ZSWIM6: variants seen among roughly 807,000 people sequenced by gnomAD.
ZSWIM6 encodes the protein zinc finger SWIM domain-containing protein 6.
Under a neutral mutation model 113.2 loss-of-function variants are expected in ZSWIM6, and 9 were observed. The observed-to-expected ratio is 0.08, with a 90% CI of 0.05 to 0.14. The LOEUF is 0.14. ZSWIM6 is among the 10% of genes least tolerant of loss of function. ZSWIM6 has a pLI of 1.00. For missense variants in ZSWIM6, 1,162 were observed against 1,552.2 expected, an observed-to-expected ratio of 0.75 and a Z score of 4.22; for synonymous variants, 611 against 606.5, an observed-to-expected ratio of 1.01 and a Z score of -0.11.
At chr5:61,513,608 A>AT (rs546152335) in intron 4 of ZSWIM6, among the ~76,000 whole-genome samples, 1 of 151,874 alleles carries the variant, frequency 6.6e-6, no homozygotes, top group Non-Finnish European at 1.5e-5. Flanking sequence ...TATGGTTTTA[A>AT]TTTTTTTATT....
chr5:61,447,466 T>C (rs1746985690), intron 1 of ZSWIM6, among the ~76,000 whole-genome samples: 2 of 152,138 alleles, frequency 1.3e-5, no homozygotes, highest in South Asian at 4.1e-4. Context: ...CTTCAGAATT[T>C]CTTAGAGGAG....
intron 1 of ZSWIM6, among the ~76,000 whole-genome samples, chr5:61,364,676 G>A (rs181557927): frequency 3.3e-5 from 5 of 152,284 alleles, no homozygotes; most frequent in East Asian, 3.9e-4. Flanking sequence ...GGCAAATTCA[G>A]TGTCTGGTGT....
chr5:61,333,487 T>G (rs1017677953), intron 1 of ZSWIM6, among the ~76,000 whole-genome samples: 4 of 151,800 alleles, frequency 2.6e-5, no homozygotes, highest in Non-Finnish European at 5.9e-5. Context: ...GGGAATACAC[T>G]TAAAGCCGCT....
intron 4 of ZSWIM6, among the ~76,000 whole-genome samples, chr5:61,514,114 G>A (rs530981791): frequency 6.6e-6 from 1 of 152,152 alleles, no homozygotes; most frequent in South Asian, 2.1e-4. Flanking sequence ...TCTTCCATCA[G>A]CATTTTGTAG....
chr5:61,350,990 C>G (rs1744771711), intron 1 of ZSWIM6, among the ~76,000 whole-genome samples: 1 of 152,166 alleles, frequency 6.6e-6, no homozygotes, highest in African/African-American at 2.4e-5. Context: ...TTCAAAAACT[C>G]TGTAATCATA....
At chr5:61,398,515 T>C (rs773106787) in intron 1 of ZSWIM6, among the ~76,000 whole-genome samples, 2 of 152,152 alleles carry the variant, frequency 1.3e-5, no homozygotes, top group Non-Finnish European at 2.9e-5. Flanking sequence ...TGTTGTATAG[T>C]GTTTAAGATT....
chr5:61,390,665 G>T, intron 1 of ZSWIM6: 1 of 828,698 alleles, frequency 1.2e-6, no homozygotes, highest in Non-Finnish European at 2.1e-6. Context: ...ACTGTTCCTG[G>T]CATTAAGCTC....
intron 13 of ZSWIM6, 109 bp downstream of exon 13, chr5:61,542,074 G>C (rs926639948): frequency 5.3e-6 from 5 of 949,890 alleles, no homozygotes; most frequent in South Asian, 1.8e-5. Context: ...CTTCTCCAAG[G>C]CTCCTTCTAG....
chr5:61,392,781 T>C (rs1745750717), intron 1 of ZSWIM6, among the ~76,000 whole-genome samples: 1 of 151,580 alleles, frequency 6.6e-6, no homozygotes, highest in South Asian at 2.1e-4. Flanking sequence ...CCCTGCTAAT[T>C]TTGTATTTTT....
chr5:61,527,611 T>C (rs187591364), intron 7 of ZSWIM6, among the ~76,000 whole-genome samples: 2 of 152,312 alleles, frequency 1.3e-5, no homozygotes, highest in East Asian at 3.9e-4. Context: ...CATTGCTAGG[T>C]ACTTTGGAAA....
intron 1 of ZSWIM6, among the ~76,000 whole-genome samples, chr5:61,424,490 T>G (rs921556561): frequency 6.6e-6 from 1 of 152,096 alleles, no homozygotes; most frequent in African/African-American, 2.4e-5. Flanking sequence ...TGACAGATAA[T>G]CTCGGTTTTT....
rs756528372 is a variant in ZSWIM6, at chr5:61,535,456, G to T, written c.2246-28G>T. 3.2e-6 allele frequency: 5 copies of T among 1,548,558 alleles called. No homozygotes were observed. The East Asian group carries it at 1.2e-4, about 38-fold the overall frequency. ...AAGTGTTAGTTCATTTTTTAGGAACGTAAAATGTGTATGCTCTCTTCCCAC... is the reference window on the plus strand; with the variant it reads ...AAGTGTTAGTTCATTTTTTAGGAACTTAAAATGTGTATGCTCTCTTCCCAC... On this transcript the variant is annotated intron_variant, in intron 9 of 13. Transcript: ENST00000252744.
intron 1 of ZSWIM6, among the ~76,000 whole-genome samples, chr5:61,370,679 G>T (rs917520619): frequency 2.0e-5 from 3 of 152,172 alleles, no homozygotes; most frequent in African/African-American, 7.2e-5. Flanking sequence ...CTTTAATATA[G>T]ACTTCCAGAA....
chr5:61,420,560 A>G, intron 1 of ZSWIM6, among the ~76,000 whole-genome samples: 1 of 152,056 alleles, frequency 6.6e-6, no homozygotes, highest in Non-Finnish European at 1.5e-5. Flanking sequence ...TATACTGACT[A>G]AGTAGCAGTA....
In ZSWIM6 at chr5:61,336,099, C is replaced by T. The variant is rs142290034; in HGVS notation, c.676+3151C>T. Among the ~76,000 whole-genome samples, 4 of 152,078 alleles carry T rather than the reference C, an allele frequency of 2.6e-5. No homozygotes were observed. The East Asian group carries it at 7.8e-4, about 29-fold the overall frequency. ...GCAACATGGTTAAACCCTGTCCCTACCAAAAATAGAAGAACTTAGCCAGGC... is the reference window on the plus strand; with the variant it reads ...GCAACATGGTTAAACCCTGTCCCTATCAAAAATAGAAGAACTTAGCCAGGC... On this transcript the variant is annotated intron_variant, in intron 1 of 13. Transcript: ENST00000252744.
chr5:61,490,030 T>C (rs1306107136), intron 2 of ZSWIM6, among the ~76,000 whole-genome samples: 2 of 152,058 alleles, frequency 1.3e-5, no homozygotes, highest in African/African-American at 4.8e-5. Context: ...TTTTTTTTTG[T>C]ATTACTTATG....
chr5:61,369,956 A>G lies in ZSWIM6; in HGVS notation c.676+37008A>G, dbSNP rs75881793. 6.1e-3 allele frequency among the ~76,000 whole-genome samples: 930 copies of G among 152,352 alleles called. 10 individuals are homozygous for G. The highest frequency in any genetic ancestry group is 0.021 in the African/African-American group (877 of 41,588). On this transcript the variant is annotated intron_variant, in intron 1 of 13. Coordinates refer to ENST00000252744, the MANE Select transcript of ZSWIM6 (RefSeq NM_020928.2). ...AGATTTTACCAAAAAACAAACTACA[A>G]AACAGAGGCTATAGCATAAATCAGA... is the stretch of plus-strand genomic sequence containing the variant.
chr5:61,504,155 A>G (rs565898987), intron 4 of ZSWIM6, among the ~76,000 whole-genome samples: 1 of 152,272 alleles, frequency 6.6e-6, no homozygotes, highest in South Asian at 2.1e-4. Context: ...AAAGGTATTA[A>G]TCTTTACTGA....
intron 1 of ZSWIM6, among the ~76,000 whole-genome samples, chr5:61,362,259 C>A (rs950137456): frequency 6.6e-6 from 1 of 151,776 alleles, no homozygotes; most frequent in African/African-American, 2.4e-5. Context: ...AATGCAATGG[C>A]CCCATCTTGG....
Sources: allele counts gnomAD v4.1 joint callset (sites outside exome capture counted in the v4.1 genomes callset), GRCh38; gene constraint gnomAD v4.1.1; transcripts MANE v1.5; gene names NCBI Gene and HGNC (gene_info 2026-07-23, HGNC 2026-07-21).